The following TRAM2 variants were observed in gnomAD, a reference collection of about 807,000 sequenced individuals.
The protein encoded by TRAM2 is translocation associated membrane protein 2.
TRAM2 carries 12 observed loss-of-function variants against 51.0 expected under a neutral mutation model. The observed-to-expected ratio is 0.24, with a 90% CI of 0.15 to 0.38. The LOEUF is 0.38. TRAM2 is among the 10% of genes least tolerant of loss of function. TRAM2 has a pLI of 1.00. For synonymous variants in TRAM2, 175 were observed against 179.4 expected, an observed-to-expected ratio of 0.98 and a Z score of 0.20; for missense variants, 361 against 462.0, an observed-to-expected ratio of 0.78 and a Z score of 2.00.
At chr6:52,511,909 C>T (rs922821682) in intron 4 of TRAM2, among the ~76,000 whole-genome samples, 2 of 152,110 alleles carry the variant, frequency 1.3e-5, no homozygotes, top group Non-Finnish European at 2.9e-5. Context: ...CCCTGGGTCA[C>T]GTGCCGATTG....
At chr6:52,566,757 A>G (rs553697437) in intron 1 of TRAM2, among the ~76,000 whole-genome samples, 5 of 152,006 alleles carry the variant, frequency 3.3e-5, no homozygotes, top group African/African-American at 9.6e-5. Context: ...TTGCCCTCCC[A>G]TATCTCCTTC....
intron 1 of TRAM2, among the ~76,000 whole-genome samples, chr6:52,549,126 C>T (rs1231768275): frequency 1.3e-5 from 2 of 152,166 alleles, no homozygotes; most frequent in Non-Finnish European, 2.9e-5. Context: ...GGGCTGTCCA[C>T]CGTGTGGTCC....
intron 1 of TRAM2, among the ~76,000 whole-genome samples, chr6:52,550,929 T>C (rs897052616): frequency 1.1e-4 from 17 of 152,182 alleles, no homozygotes; most frequent in African/African-American, 4.1e-4. Context: ...CTACCCCTCA[T>C]GAAACGCATG....
At chr6:52,506,308 T>G (rs1367724957) in intron 7 of TRAM2, among the ~76,000 whole-genome samples, 172 bp from the exon 8 acceptor site, 1 of 152,112 alleles carries the variant, frequency 6.6e-6, no homozygotes, top group African/African-American at 2.4e-5. Flanking sequence ...TCTCACACCT[T>G]TAAGACATTT....
At chr6:52,572,289 T>C (rs1391904587) in intron 1 of TRAM2, among the ~76,000 whole-genome samples, 1 of 152,190 alleles carries the variant, frequency 6.6e-6, no homozygotes, top group African/African-American at 2.4e-5. Flanking sequence ...GCAAAGGAAC[T>C]TCTTCGAAAG....
At chr6:52,551,391 G>C (rs1767305780) in intron 1 of TRAM2, among the ~76,000 whole-genome samples, 1 of 152,198 alleles carries the variant, frequency 6.6e-6, no homozygotes, top group Non-Finnish European at 1.5e-5. Context: ...TGGATGTAGG[G>C]ATTACGCTGC....
intron 1 of TRAM2, among the ~76,000 whole-genome samples, chr6:52,573,322 T>C (rs1435936152): frequency 6.6e-6 from 1 of 152,150 alleles, no homozygotes; most frequent in African/African-American, 2.4e-5. Flanking sequence ...GTCCACACCC[T>C]GGTTGATGGT....
chr6:52,516,545 G>T, intron 3 of TRAM2, 83 bp downstream of exon 3: 2 of 1,116,298 alleles, frequency 1.8e-6, no homozygotes, highest in African/African-American at 1.5e-5. Flanking sequence ...TGGGTGCAGA[G>T]CTGCAGTTTC....
intron 2 of TRAM2, chr6:52,517,223 A>G (rs1766567764): frequency 6.5e-6 from 1 of 154,902 alleles, no homozygotes; most frequent in Non-Finnish European, 1.4e-5. Context: ...GCTCTGTCCT[A>G]TGTGACCCAG....
At chr6:52,573,273 G>C (rs1048153468) in intron 1 of TRAM2, among the ~76,000 whole-genome samples, 3 of 152,054 alleles carry the variant, frequency 2.0e-5, no homozygotes, top group Non-Finnish European at 2.9e-5. Context: ...GGGGGAGGAG[G>C]CTACTTTCAA....
chr6:52,573,762 C>G (rs760371224), intron 1 of TRAM2, among the ~76,000 whole-genome samples: 25 of 152,264 alleles, frequency 1.6e-4, no homozygotes, highest in Non-Finnish European at 2.8e-4. Flanking sequence ...ACAGAAGCCC[C>G]CTGAATGCAG....
At chr6:52,569,728 A>G (rs1487378401) in intron 1 of TRAM2, among the ~76,000 whole-genome samples, 1 of 152,060 alleles carries the variant, frequency 6.6e-6, no homozygotes, top group Non-Finnish European at 1.5e-5. Context: ...TTAAGCTACC[A>G]TACTAAGACC....
In TRAM2 at chr6:52,504,615, C is replaced by G. The variant is rs1226155634; in HGVS notation, c.1015G>C (p.Ala339Pro). ...RRVPATPRLP[A>P]RLIKRESGYH... ...CCAGATTCCCTCTTGATGAGCCTGG[C>G]TGGTAGTCTGGGTGTGGCTGGGACT... The change falls in exon 10 of 11, where the codon GCC becomes CCC. Residue 339 changes from alanine (A) to proline (P), a missense_variant. Transcript: ENST00000182527. 1 of 1,614,164 alleles carries G rather than the reference C, an allele frequency of 6.2e-7. No homozygotes were observed. Among genetic ancestry groups the G allele is most frequent in the Non-Finnish European group, 8.5e-7 (1 of 1,180,044 alleles).
At chr6:52,514,707 G>C (rs976398584) in intron 4 of TRAM2, among the ~76,000 whole-genome samples, 1 of 152,252 alleles carries the variant, frequency 6.6e-6, no homozygotes, top group Non-Finnish European at 1.5e-5. Context: ...AAGTGATTCA[G>C]AGATGAGGCA....
Position 52,562,137 on chromosome 6 carries a change from T to C in TRAM2, c.120+14659A>G, listed in dbSNP as rs574434368. 3.9e-5 allele frequency among the ~76,000 whole-genome samples: 6 copies of C among 152,026 alleles called. 1 individual carries two copies. The highest frequency in any genetic ancestry group is 3.9e-4 in the East Asian group (2 of 5,178). Reference sequence around the variant, plus strand: ...ACTGGTAATTCCACTTTACCACTCATGTATTGAAAATATATGAGATCCGAC... The same window carrying C: ...ACTGGTAATTCCACTTTACCACTCACGTATTGAAAATATATGAGATCCGAC... On this transcript the variant is annotated intron_variant, in intron 1 of 10. Coordinates refer to ENST00000182527, the MANE Select transcript of TRAM2 (RefSeq NM_012288.4).
intron 1 of TRAM2, among the ~76,000 whole-genome samples, chr6:52,561,009 C>T (rs1455369018): frequency 6.6e-6 from 1 of 152,162 alleles, no homozygotes; most frequent in Admixed American, 6.5e-5. Flanking sequence ...CTGATGAATG[C>T]ATAAACAAAA....
intron 1 of TRAM2, among the ~76,000 whole-genome samples, chr6:52,546,037 G>A (rs898285424): frequency 3.9e-5 from 6 of 152,220 alleles, no homozygotes; most frequent in Non-Finnish European, 7.4e-5. Flanking sequence ...AAGTACAGGC[G>A]GTTCAGGATG....
rs570360584 is a variant in TRAM2, at chr6:52,546,751, G to A, written c.121-10905C>T. 3.5e-4 allele frequency among the ~76,000 whole-genome samples: 54 copies of A among 152,256 alleles called. 1 individual carries two copies. The highest frequency in any genetic ancestry group is 1.1e-3 in the African/African-American group (46 of 41,544). On this transcript the variant is annotated intron_variant, in intron 1 of 10. Coordinates refer to ENST00000182527, the MANE Select transcript of TRAM2 (RefSeq NM_012288.4). ...AGAAGGCACAGTCAGAGGGGCCAGA[G>A]GAAACCCAGAAGGAGCCCAGCAGCC... is the stretch of plus-strand genomic sequence containing the variant.
At chr6:52,548,871 C>T (rs1191210201) in intron 1 of TRAM2, among the ~76,000 whole-genome samples, 1 of 152,182 alleles carries the variant, frequency 6.6e-6, no homozygotes, top group Non-Finnish European at 1.5e-5. Context: ...ATCTCCATAC[C>T]CACAGTGTTC....
Sources: gnomAD v4.1 joint callset for allele counts (sites outside exome capture counted in the v4.1 genomes callset) on GRCh38, gnomAD v4.1.1 for gene constraint, MANE v1.5 for transcripts, NCBI Gene and HGNC (gene_info 2026-07-23, HGNC 2026-07-21) for gene names.